The following SMURF1 variants were observed in gnomAD, a reference collection of about 807,000 sequenced individuals.
SMURF1 encodes E3 ubiquitin-protein ligase SMURF1.
In SMURF1, 44 loss-of-function variants were observed where a neutral mutation model predicts 98.0. The observed-to-expected ratio is 0.45, with a 90% CI of 0.35 to 0.58. SMURF1 has a LOEUF of 0.58. SMURF1 is among the 20% of genes least tolerant of loss of function. The pLI, the probability that SMURF1 is intolerant of heterozygous loss-of-function variation, is 0.00. For synonymous variants in SMURF1, 396 were observed against 374.9 expected (o/e 1.06, Z -0.65); for missense variants, 687 against 938.4 (o/e 0.73, Z 3.50).
intron 1 of SMURF1, among the ~76,000 whole-genome samples, chr7:99,087,539 T>C (rs1472930255): frequency 6.6e-6 from 1 of 152,182 alleles, no homozygotes; most frequent in East Asian, 1.9e-4. Flanking sequence ...AATAAATTAT[T>C]TAAACAAGAA....
intron 1 of SMURF1, 97 bp downstream of exon 1, chr7:99,143,629 C>G (rs1201826550): frequency 1.0e-6 from 1 of 965,838 alleles, no homozygotes; most frequent in African/African-American, 2.3e-5. Context: ...GGACAACGGC[C>G]GGCGTGGGGG....
intron 1 of SMURF1, among the ~76,000 whole-genome samples, chr7:99,140,846 A>G (rs1236579615): frequency 1.3e-5 from 2 of 152,192 alleles, no homozygotes; most frequent in Non-Finnish European, 2.9e-5. Flanking sequence ...AACCTGTAAC[A>G]AAAGTATTCA....
chr7:99,033,873 G>A (rs1194941940), intron 16 of SMURF1, among the ~76,000 whole-genome samples: 1 of 152,204 alleles, frequency 6.6e-6, no homozygotes, highest in Non-Finnish European at 1.5e-5. Context: ...CTGCAAAGAC[G>A]GCTAGCTGAC....
At chr7:99,032,623 C>T (rs570825332) in intron 17 of SMURF1, among the ~76,000 whole-genome samples, 7 of 152,278 alleles carry the variant, frequency 4.6e-5, no homozygotes, top group South Asian at 4.1e-4. Flanking sequence ...GAGCCGAGAT[C>T]GTGCCACTGC....
chr7:99,056,401 G>T (rs1271686421), intron 5 of SMURF1, among the ~76,000 whole-genome samples: 1 of 152,068 alleles, frequency 6.6e-6, no homozygotes, highest in African/African-American at 2.4e-5. Flanking sequence ...ACTTCCAACA[G>T]ACTGCCTCTA....
chr7:99,090,070 T>C (rs1020936889), intron 1 of SMURF1, among the ~76,000 whole-genome samples: 1 of 152,148 alleles, frequency 6.6e-6, no homozygotes, highest in Non-Finnish European at 1.5e-5. Context: ...TCCATGGCCA[T>C]GAATGAGTAA....
chr7:99,033,720 A>G (rs765452128), intron 16 of SMURF1, among the ~76,000 whole-genome samples: 1 of 152,150 alleles, frequency 6.6e-6, no homozygotes, highest in Non-Finnish European at 1.5e-5. Context: ...TGAGGGTCAG[A>G]GCTATTTGTA....
intron 13 of SMURF1, among the ~76,000 whole-genome samples, chr7:99,039,013 G>A (rs1795264050): frequency 6.6e-6 from 1 of 151,944 alleles, no homozygotes; most frequent in South Asian, 2.1e-4. Context: ...CCAACATGGT[G>A]AAACCCCATC....
intron 17 of SMURF1, 73 bp downstream of exon 17, chr7:99,032,963 AC>A: frequency 6.9e-7 from 1 of 1,439,166 alleles, no homozygotes; most frequent in South Asian, 1.2e-5. Flanking sequence ...AAAAAAAACA[AC>A]AAAAAAAAAA....
intron 1 of SMURF1, among the ~76,000 whole-genome samples, chr7:99,073,335 C>A (rs796730088): frequency 4.7e-5 from 7 of 149,664 alleles, no homozygotes; most frequent in Non-Finnish European, 1.0e-4. Flanking sequence ...GTCCAGATCA[C>A]GCAACTGCAC....
intron 1 of SMURF1, among the ~76,000 whole-genome samples, chr7:99,108,611 C>CAAAAAAAAAAAAAAAAA (rs11458541): frequency 3.4e-5 from 2 of 58,558 alleles, no homozygotes; most frequent in Non-Finnish European, 6.0e-5. Flanking sequence ...AACTCTGTCT[C>CAAAAAAAAAAAAAAAAA]AAAAAAAAAA....
intron 1 of SMURF1, among the ~76,000 whole-genome samples, chr7:99,137,653 G>A (rs373559578): frequency 6.6e-6 from 1 of 152,228 alleles, no homozygotes; most frequent in African/African-American, 2.4e-5. Context: ...AGTGATAAAC[G>A]ATGTTGCCGA....
Position 99,037,063 on chromosome 7 carries a change from A to G in SMURF1, c.1809+4T>C, listed in dbSNP as rs1348709179. On this transcript the variant is annotated splice_donor_region_variant and intron_variant, in intron 15 of 17. Transcript: ENST00000361368. ...TGGGTCGACTCCGCACAGCAGGCACATACCTCCAGTTCCTTCTGGTCAAAA... is the reference window on the plus strand; with the variant it reads ...TGGGTCGACTCCGCACAGCAGGCACGTACCTCCAGTTCCTTCTGGTCAAAA... The G allele has an allele frequency of 1.1e-5, 18 of 1,613,696 alleles. No homozygotes were observed. Among genetic ancestry groups the G allele is most frequent in the Non-Finnish European group, 1.4e-5 (16 of 1,180,002 alleles).
At chr7:99,128,886 C>A (rs1021995306) in intron 1 of SMURF1, among the ~76,000 whole-genome samples, 1 of 152,098 alleles carries the variant, frequency 6.6e-6, no homozygotes, top group African/African-American at 2.4e-5. Context: ...CCGAAGTTGC[C>A]AAGCCAATCT....
At chr7:99,122,058 G>A (rs1332489592) in intron 1 of SMURF1, among the ~76,000 whole-genome samples, 1 of 152,168 alleles carries the variant, frequency 6.6e-6, no homozygotes. Context: ...GGCCGGGCAG[G>A]TGGCTCACGC....
At chr7:99,045,611 G>GTGA (rs1209640796) in intron 11 of SMURF1, 87 bp downstream of exon 11, 9 of 1,093,828 alleles carry the variant, frequency 8.2e-6, no homozygotes, top group Non-Finnish European at 1.2e-5. Context: ...GGAGTGCTTG[G>GTGA]TGATGAGCAC....
chr7:99,042,072 A>C (rs1213326348), intron 12 of SMURF1, 46 bp downstream of exon 12: 1 of 1,479,978 alleles, frequency 6.8e-7, no homozygotes. Context: ...TCCATCTCAA[A>C]ACTTCTCCAA....
chr7:99,035,137 C>T (rs1235970731), intron 16 of SMURF1, among the ~76,000 whole-genome samples: 1 of 152,232 alleles, frequency 6.6e-6, no homozygotes, highest in Non-Finnish European at 1.5e-5. Context: ...ATGTGCAGCT[C>T]CAAGCTTTGG....
chr7:99,040,591 C>G, intron 12 of SMURF1, 35 bp from the exon 13 acceptor site: 1 of 1,389,804 alleles, frequency 7.2e-7, no homozygotes, highest in Non-Finnish European at 9.4e-7. Context: ...AATTTGTCAG[C>G]ATGGTGCCGG....
Sources: gnomAD v4.1 joint callset for allele counts (sites outside exome capture counted in the v4.1 genomes callset) on GRCh38, gnomAD v4.1.1 for gene constraint, MANE v1.5 for transcripts, NCBI Gene and HGNC (gene_info 2026-07-23, HGNC 2026-07-21) for gene names.